Variants in OPCML observed in about 807,000 individuals in gnomAD.
The protein encoded by OPCML is opioid binding protein/cell adhesion molecule like.
In OPCML, 13 loss-of-function variants were observed where a neutral mutation model predicts 37.8. That is an observed-to-expected ratio of 0.34 (90% CI 0.22 to 0.55). OPCML has a LOEUF of 0.55. OPCML is among the 20% of genes least tolerant of loss of function. OPCML has a pLI of 0.91. For synonymous variants in OPCML, 176 were observed against 168.8 expected (o/e 1.04, Z -0.33); for missense variants, 341 against 435.6 (o/e 0.78, Z 1.93).
At chr11:133,069,564 G>A (rs536999348) in intron 1 of OPCML, among the ~76,000 whole-genome samples, 7 of 152,316 alleles carry the variant, frequency 4.6e-5, no homozygotes, top group Admixed American at 2.0e-4. Flanking sequence ...TCAAACGTGT[G>A]TGTGCGACTA....
intron 2 of OPCML, among the ~76,000 whole-genome samples, chr11:132,679,084 G>T (rs1942830833): frequency 6.6e-6 from 1 of 152,068 alleles, no homozygotes; most frequent in African/African-American, 2.4e-5. Flanking sequence ...CAATAAAAAA[G>T]AAAATATTAA....
intron 3 of OPCML, among the ~76,000 whole-genome samples, chr11:132,570,862 C>T (rs2096436751): frequency 7.0e-6 from 1 of 143,368 alleles, no homozygotes; most frequent in Admixed American, 7.1e-5. Flanking sequence ...TCCCCATTTT[C>T]CCTTCTCTTA....
rs1565906760 is a variant in OPCML at position 132,847,090 on chromosome 11, GT to G, written c.146+95835del. Reference sequence around the variant, plus strand: ...TACATCTTGGAGAGTTTGCTTATTTGTCAGCCTAAAACATCTCTCAGAATCT... The same window carrying G: ...TACATCTTGGAGAGTTTGCTTATTTGCAGCCTAAAACATCTCTCAGAATCT... On this transcript the variant is annotated intron_variant, in intron 2 of 7. Transcript: ENST00000524381. Among the ~76,000 whole-genome samples the G allele has an allele frequency of 2.0e-5, 3 of 152,246 alleles. No individual in the cohort carries two copies. In the South Asian group the frequency reaches 6.2e-4, roughly 32 times the overall value.
intron 3 of OPCML, among the ~76,000 whole-genome samples, chr11:132,631,197 C>A (rs1469815966): frequency 6.6e-6 from 1 of 151,600 alleles, no homozygotes; most frequent in African/African-American, 2.4e-5. Context: ...TATGAGAGAA[C>A]TTTTTAAAAA....
chr11:133,254,864 C>T (rs111650895), intron 1 of OPCML, among the ~76,000 whole-genome samples: 4 of 152,050 alleles, frequency 2.6e-5, no homozygotes, highest in African/African-American at 9.6e-5. Context: ...TCATGAGAAA[C>T]GTTAAATTAA....
At chr11:132,565,507 G>T (rs981216866) in intron 3 of OPCML, among the ~76,000 whole-genome samples, 3 of 152,112 alleles carry the variant, frequency 2.0e-5, no homozygotes, top group Non-Finnish European at 4.4e-5. Context: ...TACCTCAGCG[G>T]CTCTCCTGCT....
At chr11:132,747,230 A>G (rs117224216) in intron 2 of OPCML, among the ~76,000 whole-genome samples, 182 of 152,320 alleles carry the variant, frequency 1.2e-3, no homozygotes, top group Non-Finnish European at 1.9e-3. Flanking sequence ...AAATCAATAC[A>G]GGAATTGAAT....
chr11:133,006,485 T>C, intron 1 of OPCML: 1 of 985,432 alleles, frequency 1.0e-6, no homozygotes, highest in Non-Finnish European at 1.2e-6. Flanking sequence ...AAAGAAAGTT[T>C]TATCTCCTTA....
At chr11:132,975,248 A>G (rs542132093) in intron 1 of OPCML, among the ~76,000 whole-genome samples, 1 of 152,128 alleles carries the variant, frequency 6.6e-6, no homozygotes, top group South Asian at 2.1e-4. Context: ...AGTATCCTGA[A>G]GAAAAATAAA....
chr11:132,991,072 T>C (rs954701046), intron 1 of OPCML, among the ~76,000 whole-genome samples: 5 of 152,212 alleles, frequency 3.3e-5, no homozygotes, highest in African/African-American at 1.2e-4. Flanking sequence ...TTCTCTGACA[T>C]GTACTGCCCA....
intron 3 of OPCML, among the ~76,000 whole-genome samples, chr11:132,589,183 C>G (rs746812097): frequency 6.6e-6 from 1 of 152,058 alleles, no homozygotes; most frequent in African/African-American, 2.4e-5. Flanking sequence ...ATTTTAGAAT[C>G]AACCAGACAA....
intron 2 of OPCML, among the ~76,000 whole-genome samples, chr11:132,683,935 G>A (rs1290763834): frequency 2.0e-5 from 3 of 151,934 alleles, no homozygotes; most frequent in African/African-American, 4.8e-5. Flanking sequence ...CTATTAACAG[G>A]TACGTCATAA....
Position 133,141,582 on chromosome 11 carries a change from C to T in OPCML, c.62-198572G>A, listed in dbSNP as rs1949824345. Among the ~76,000 whole-genome samples the T allele has an allele frequency of 2.0e-5, 3 of 152,108 alleles. No individual in the cohort carries two copies. The East Asian group carries it at 5.8e-4, about 29-fold the overall frequency. Reference sequence around the variant, plus strand: ...CATAACTGTCGCTTTCACACAGATGCTTCCCATATCTTTATTGAATCTCAC... The same window carrying T: ...CATAACTGTCGCTTTCACACAGATGTTTCCCATATCTTTATTGAATCTCAC... On this transcript the variant is annotated intron_variant, in intron 1 of 7. Transcript: ENST00000524381.
Position 133,321,161 on chromosome 11 carries a change from C to CT in OPCML, c.61+211102dup, listed in dbSNP as rs1018422034. Among the ~76,000 whole-genome samples the CT allele has an allele frequency of 1.2e-4, 19 of 152,054 alleles. No homozygotes were observed. The East Asian group carries it at 2.7e-3, about 22-fold the overall frequency. ...TGGTAGAAATTAAGATAAGGAAATA[C>CT]TTTTTTTAAAAAAAACAAAACCCAT... On this transcript the variant is annotated intron_variant, in intron 1 of 7. Coordinates refer to ENST00000524381, the MANE Select transcript of OPCML (RefSeq NM_001012393.5).
intron 1 of OPCML, among the ~76,000 whole-genome samples, chr11:133,530,569 G>C (rs1288768944): frequency 6.6e-6 from 1 of 152,218 alleles, no homozygotes; most frequent in Non-Finnish European, 1.5e-5. Context: ...CCCTCTACCA[G>C]GCTCAGGCAG....
intron 3 of OPCML, among the ~76,000 whole-genome samples, chr11:132,605,642 C>G (rs991832399): frequency 3.3e-5 from 5 of 152,056 alleles, no homozygotes; most frequent in Non-Finnish European, 7.4e-5. Context: ...TTTTGGCTCC[C>G]CCGGCCCTGA....
chr11:133,068,976 A>G (rs952087452), intron 1 of OPCML, among the ~76,000 whole-genome samples: 1 of 152,204 alleles, frequency 6.6e-6, no homozygotes, highest in Non-Finnish European at 1.5e-5. Context: ...ATCAGGAGAG[A>G]GTTACTTACA....
intron 3 of OPCML, among the ~76,000 whole-genome samples, chr11:132,538,422 G>C (rs1341540872): frequency 6.6e-6 from 1 of 152,154 alleles, no homozygotes; most frequent in African/African-American, 2.4e-5. Flanking sequence ...AATGAGAAGT[G>C]ACTATTGATG....
intron 1 of OPCML, among the ~76,000 whole-genome samples, chr11:133,010,051 T>C (rs1947187321): frequency 6.6e-6 from 1 of 152,138 alleles, no homozygotes. Flanking sequence ...ACCAAAGAGT[T>C]TCCCACAGCT....
Sources: allele counts gnomAD v4.1 joint callset (sites outside exome capture counted in the v4.1 genomes callset), GRCh38; gene constraint gnomAD v4.1.1; transcripts MANE v1.5; gene names NCBI Gene and HGNC (gene_info 2026-07-23, HGNC 2026-07-21).